SMPD4: variants seen among roughly 807,000 people sequenced by gnomAD.
The protein encoded by SMPD4 is neutral sphingomyelinase 3.
In SMPD4, 58 loss-of-function variants were observed where a neutral mutation model predicts 97.8. The ratio of observed to expected loss-of-function variants is 0.59; its 90% CI spans 0.48 to 0.74. The LOEUF is 0.74. Ranked by LOEUF, SMPD4 falls within the 30% of genes least tolerant of loss-of-function variation. The pLI, the probability that SMPD4 is intolerant of heterozygous loss-of-function variation, is 0.00. For missense variants in SMPD4, 853 were observed against 1,080.5 expected, an observed-to-expected ratio of 0.79 and a Z score of 2.95; for synonymous variants, 388 against 450.0, an observed-to-expected ratio of 0.86 and a Z score of 1.74.
intron 10 of SMPD4, among the ~76,000 whole-genome samples, chr2:130,161,871 GA>G (rs1687456018): frequency 6.6e-6 from 1 of 152,220 alleles, no homozygotes; most frequent in South Asian, 2.1e-4. Flanking sequence ...GTTGTCTTAA[GA>G]AATTTACCAA....
intron 14 of SMPD4, among the ~76,000 whole-genome samples, chr2:130,155,469 T>C (rs982725354): frequency 2.0e-5 from 3 of 152,088 alleles, no homozygotes; most frequent in South Asian, 2.1e-4. Flanking sequence ...CCTCTGAGGA[T>C]GCCACATCCT....
chr2:130,172,646 G>A lies in SMPD4; in HGVS notation c.486C>T (p.Ala162=). The A allele has an allele frequency of 1.2e-6, 2 of 1,614,216 alleles. No homozygotes were observed. Among genetic ancestry groups the A allele is most frequent in the South Asian group, 2.2e-5 (2 of 91,084 alleles). The change falls in exon 7 of 20, where the codon GCC becomes GCT. Residue 162 remains alanine (A), a synonymous_variant. Coordinates refer to ENST00000680298, the MANE Select transcript of SMPD4 (RefSeq NM_017951.5). ...TTACCTTCTGAGTGATGAGGCTCAAGGCAAAGAAGAATATGTAATACTCGA... is the reference window on the plus strand; with the variant it reads ...TTACCTTCTGAGTGATGAGGCTCAAAGCAAAGAAGAATATGTAATACTCGA... ...NPFEYYIFFF[A]LSLITQKPLP...
intron 10 of SMPD4, among the ~76,000 whole-genome samples, chr2:130,163,314 G>A (rs1687610287): frequency 6.6e-6 from 1 of 152,254 alleles, no homozygotes; most frequent in Non-Finnish European, 1.5e-5. Context: ...CCAAGATGGG[G>A]TCCTCAGCTT....
At chr2:130,155,310 C>A (rs900607467) in intron 14 of SMPD4, 51 bp from the exon 15 acceptor site, 1 of 1,607,926 alleles carries the variant, frequency 6.2e-7, no homozygotes, top group South Asian at 1.1e-5. Flanking sequence ...GGAAGCATGC[C>A]CCTAATGCCC....
chr2:130,156,420 G>T, intron 13 of SMPD4, 165 bp downstream of exon 13: 1 of 774,436 alleles, frequency 1.3e-6, no homozygotes, highest in Admixed American at 2.6e-5. Context: ...CCTGAGGGCT[G>T]GCTTTGGAAA....
rs573319977 is a variant in SMPD4 at position 130,167,698 on chromosome 2, T to A, written c.660-108A>T. The A allele has an allele frequency of 1.2e-5, 15 of 1,273,762 alleles. No homozygotes were observed. In the South Asian group the frequency reaches 1.9e-4, roughly 16 times the overall value. The allele number at this position is 1,273,762 out of a possible 1,614,324, so 78.9% of individuals were successfully genotyped here. On this transcript the variant is annotated intron_variant, in intron 8 of 19. Transcript: ENST00000680298. Reference sequence around the variant, plus strand: ...AAAATCAACGAGAGCAGGGACAGATTACAACTTGTTCAATAGCACAATGCA... The same window carrying A: ...AAAATCAACGAGAGCAGGGACAGATAACAACTTGTTCAATAGCACAATGCA...
At position 130,156,095 on chromosome 2, in the gene SMPD4, T is replaced by C. The variant is rs1385581296; in HGVS notation, c.1229A>G (p.Tyr410Cys). ...GCCCGGAGCCTGCTTGTCAGGCGCG[T>C]ACCGCCACGGCTGCAGGTAGCTCAG... ...MWLSYLQPWR[Y>C]APDKQAPGSD... The change falls in exon 14 of 20, where the codon TAC (tyrosine) becomes TGC (cysteine). Residue 410 changes from tyrosine (Y) to cysteine (C), a missense_variant. Coordinates refer to ENST00000680298, the MANE Select transcript of SMPD4 (RefSeq NM_017951.5). 6.2e-7 allele frequency: 1 copy of C among 1,611,184 alleles called. No individual in the cohort carries two copies. Among genetic ancestry groups the C allele is most frequent in the Non-Finnish European group, 8.5e-7 (1 of 1,179,838 alleles).
At position 130,173,518 on chromosome 2, in the gene SMPD4, G is replaced by T. The variant is rs150462606; in HGVS notation, c.265C>A (p.Pro89Thr). The T allele has an allele frequency of 8.1e-4, 1,304 of 1,600,796 alleles. 10 individuals carry two copies. The African/African-American group carries it at 0.015, about 19-fold the overall frequency. ...TCCGGTGACCAACCTACCTACCCAG[G>T]GTCGAGAAATTCCATCACGATGCTG... ...EYSIVMEFLD[P>T]GGPMMKLVYK... The change falls in exon 4 of 20, where the codon CCT becomes ACT. Residue 89 changes from proline to threonine, a missense_variant. By Grantham distance (38) the Pro-to-Thr change is conservative. Transcript: ENST00000680298.
chr2:130,155,071 G>A (rs374487712), intron 15 of SMPD4, 25 bp downstream of exon 15: 21 of 1,602,598 alleles, frequency 1.3e-5, no homozygotes, highest in East Asian at 6.7e-5. Flanking sequence ...GACGTATACC[G>A]GGCTGGCCCA....
chr2:130,180,037 C>T (rs1436412645), intron 1 of SMPD4, among the ~76,000 whole-genome samples: 2 of 149,720 alleles, frequency 1.3e-5, no homozygotes, highest in African/African-American at 4.9e-5. Flanking sequence ...GATCTGGGCT[C>T]ACTGCAAGCT....
At chr2:130,168,420 G>A (rs1163131485) in intron 8 of SMPD4, among the ~76,000 whole-genome samples, 5 of 152,096 alleles carry the variant, frequency 3.3e-5, no homozygotes, top group Admixed American at 6.6e-5. Flanking sequence ...ACAAGACCCT[G>A]TCTGCAAATA....
rs1686399516 is a variant in SMPD4 at position 130,153,162 on chromosome 2, C to T, written c.2035G>A (p.Gly679Arg). Reference sequence around the variant, plus strand: ...TACTCAATTTCAAACCTTCGCAGCCCATTGATGATCTAGAAAGCCAGGCCA... The same window carrying T: ...TACTCAATTTCAAACCTTCGCAGCCTATTGATGATCTAGAAAGCCAGGCCA... The part of the protein sequence containing the change: ...TPLGRYQIIN[G>R]LRRFEIEYQG... The change falls in exon 19 of 20, where the codon GGG (glycine) becomes AGG (arginine). Residue 679 changes from glycine to arginine, a missense_variant. This residue lies in a region of SMPD4 where 511 missense variants were observed against 608.1 expected (regional missense o/e 0.84). Transcript: ENST00000680298. The T allele has an allele frequency of 8.7e-6, 14 of 1,613,792 alleles. No individual in the cohort carries two copies. The highest frequency in any genetic ancestry group is 1.1e-5 in the Non-Finnish European group (13 of 1,179,988).
Position 130,176,617 on chromosome 2 carries a change from A to G in SMPD4, c.-25T>C. The G allele has an allele frequency of 6.2e-7, 1 of 1,613,422 alleles. No individual in the cohort carries two copies. Among genetic ancestry groups the G allele is most frequent in the Middle Eastern group, 1.7e-4 (1 of 6,054 alleles). ...TAGCAGCCTCCAGTGGAGAGTTGAA[A>G]ATGGCCTTCTTAGCAAACCACTGTG... On this transcript the variant is annotated 5_prime_UTR_variant, in exon 2 of 20. Transcript: ENST00000680298.
intron 8 of SMPD4, among the ~76,000 whole-genome samples, chr2:130,171,881 C>G (rs964691216): frequency 1.3e-5 from 2 of 152,248 alleles, no homozygotes; most frequent in African/African-American, 4.8e-5. Context: ...ATGAGAGCCC[C>G]TGGTTCACAC....
chr2:130,165,381 G>A lies in SMPD4; in HGVS notation c.793-936C>T, dbSNP rs1450848208. Among the ~76,000 whole-genome samples, 4 of 150,994 alleles carry A rather than the reference G, an allele frequency of 2.6e-5. 1 individual carries two copies. Among genetic ancestry groups the A allele is most frequent in the African/African-American group, 7.3e-5 (3 of 41,044 alleles). On this transcript the variant is annotated intron_variant, in intron 9 of 19. Coordinates refer to ENST00000680298, the MANE Select transcript of SMPD4 (RefSeq NM_017951.5). Reference sequence around the variant, plus strand: ...GCAGAGGTTGTGGTAAGCCAAAATCGTGCCACTCCACTCCAACCTGGGCAA... The same window carrying A: ...GCAGAGGTTGTGGTAAGCCAAAATCATGCCACTCCACTCCAACCTGGGCAA...
intron 2 of SMPD4, among the ~76,000 whole-genome samples, chr2:130,175,818 A>G (rs963000540): frequency 6.6e-6 from 1 of 152,226 alleles, no homozygotes; most frequent in Non-Finnish European, 1.5e-5. Flanking sequence ...AGTGATTGAG[A>G]CAGAGATGGA....
chr2:130,163,248 G>A (rs1171209172), intron 10 of SMPD4, among the ~76,000 whole-genome samples: 2 of 152,266 alleles, frequency 1.3e-5, no homozygotes, highest in East Asian at 3.8e-4. Context: ...GGAACATGCA[G>A]CAAGTCTGCT....
chr2:130,176,820 G>A (rs1689018876), intron 1 of SMPD4, among the ~76,000 whole-genome samples, 183 bp from the exon 2 acceptor site: 1 of 152,054 alleles, frequency 6.6e-6, no homozygotes, highest in South Asian at 2.1e-4. Flanking sequence ...CCTGAGTACA[G>A]GCACGTGCCA....
At chr2:130,162,627 G>A (rs1687536770) in intron 10 of SMPD4, among the ~76,000 whole-genome samples, 1 of 152,224 alleles carries the variant, frequency 6.6e-6, no homozygotes, top group Non-Finnish European at 1.5e-5. Flanking sequence ...CAAGCAGGGT[G>A]AGGAGGATGA....
Sources: allele counts gnomAD v4.1 joint callset (sites outside exome capture counted in the v4.1 genomes callset), GRCh38; gene constraint gnomAD v4.1.1; regional missense constraint gnomAD v4.1.1; transcripts MANE v1.5; gene names NCBI Gene and HGNC (gene_info 2026-07-23, HGNC 2026-07-21).